The following NTRK3 variants were observed in gnomAD, a reference collection of about 807,000 sequenced individuals.
NTRK3 encodes the protein NT-3 growth factor receptor.
Under a neutral mutation model 91.7 loss-of-function variants are expected in NTRK3, and 24 were observed. The ratio of observed to expected loss-of-function variants is 0.26; its 90% CI spans 0.19 to 0.37. NTRK3 has a LOEUF of 0.37. NTRK3 is among the 10% of genes least tolerant of loss of function. The pLI is 1.00. For synonymous variants in NTRK3, 483 were observed against 404.0 expected, an observed-to-expected ratio of 1.20 and a Z score of -2.34; for missense variants, 880 against 1,068.9, an observed-to-expected ratio of 0.82 and a Z score of 2.46.
chr15:87,969,307 A>G (rs1310274198), intron 14 of NTRK3, among the ~76,000 whole-genome samples: 1 of 152,244 alleles, frequency 6.6e-6, no homozygotes, highest in South Asian at 2.1e-4. Context: ...CGCGTGTGCC[A>G]GAGTCCCTTT....
intron 13 of NTRK3, among the ~76,000 whole-genome samples, chr15:88,111,795 C>T: frequency 6.6e-6 from 1 of 152,018 alleles, no homozygotes; most frequent in East Asian, 1.9e-4. Flanking sequence ...GTGTGGACTA[C>T]TGATTGTCAT....
chr15:87,860,350 C>A (rs1006070110), exon 19 of NTRK3: 2 of 217,390 alleles, frequency 9.2e-6, no homozygotes, highest in Admixed American at 1.2e-4. Flanking sequence ...TTTTTGTTTT[C>A]TTTTGAGGTT....
At chr15:88,189,784 G>A (rs1454280130) in intron 3 of NTRK3, among the ~76,000 whole-genome samples, 1 of 152,022 alleles carries the variant, frequency 6.6e-6, no homozygotes, top group Non-Finnish European at 1.5e-5. Context: ...TCTTCCTTCT[G>A]TTTTGCTTGG....
At chr15:88,111,584 T>A (rs1567432881) in intron 13 of NTRK3, among the ~76,000 whole-genome samples, 2 of 152,154 alleles carry the variant, frequency 1.3e-5, no homozygotes, top group African/African-American at 4.8e-5. Context: ...TGCAGGTCCC[T>A]GGGATGGGGA....
At chr15:88,007,768 G>A (rs2076599846) in intron 14 of NTRK3, among the ~76,000 whole-genome samples, 1 of 152,154 alleles carries the variant, frequency 6.6e-6, no homozygotes, top group South Asian at 2.1e-4. Context: ...AATTCTTCCT[G>A]TCTTCTGCAC....
intron 3 of NTRK3, among the ~76,000 whole-genome samples, chr15:88,239,969 G>T (rs1477882366): frequency 2.6e-5 from 4 of 151,932 alleles, no homozygotes; most frequent in Non-Finnish European, 4.4e-5. Flanking sequence ...AACAGCCCTC[G>T]GTGATGCGCA....
At chr15:88,035,184 T>TA (rs1328011159) in intron 13 of NTRK3, among the ~76,000 whole-genome samples, 8 of 152,062 alleles carry the variant, frequency 5.3e-5, no homozygotes, top group African/African-American at 1.9e-4. Context: ...GCAGGGGGAA[T>TA]ATTTGCAGGC....
intron 3 of NTRK3, among the ~76,000 whole-genome samples, chr15:88,212,549 C>G (rs2049345559): frequency 6.6e-6 from 1 of 152,120 alleles, no homozygotes; most frequent in Admixed American, 6.5e-5. Flanking sequence ...TGGATGTTCA[C>G]AAGACACTTC....
At chr15:88,042,346 C>T (rs114683580) in intron 13 of NTRK3, among the ~76,000 whole-genome samples, 4,385 of 152,272 alleles carry the variant, frequency 0.029, 234 homozygotes, top group African/African-American at 0.1. Context: ...TGAACACGGG[C>T]TGTGCTCAAG....
Position 88,243,986 on chromosome 15 carries a change from C to T in NTRK3, c.248+11920G>A, listed in dbSNP as rs1303574649. Among the ~76,000 whole-genome samples the T allele has an allele frequency of 6.6e-6, 1 of 152,158 alleles. No individual in the cohort carries two copies. Among genetic ancestry groups the T allele is most frequent in the Non-Finnish European group, 1.5e-5 (1 of 68,040 alleles). ...CTAATGAAACCTCTGAAGCCAATAT[C>T]CACTAACCCTGACTCAGTCTGACCT... is the stretch of plus-strand genomic sequence containing the variant. On this transcript the variant is annotated intron_variant, in intron 3 of 18. Coordinates refer to ENST00000394480, the Ensembl canonical transcript of NTRK3. This position sits in a 1 kb window ranked among gnomAD's most constrained non-coding sequence, Gnocchi z 4.8.
intron 14 of NTRK3, among the ~76,000 whole-genome samples, chr15:87,945,924 T>G (rs1052347207): frequency 3.3e-5 from 5 of 152,142 alleles, no homozygotes; most frequent in Non-Finnish European, 1.5e-5. Flanking sequence ...GGAACATGGA[T>G]GTTGACTTGG....
chr15:88,248,032 C>G (rs1001631828), intron 3 of NTRK3, among the ~76,000 whole-genome samples: 1 of 152,202 alleles, frequency 6.6e-6, no homozygotes, highest in African/African-American at 2.4e-5. Flanking sequence ...AGCCACTCAG[C>G]CCTCTGCTCT....
At chr15:87,967,682 G>A (rs182036073) in intron 14 of NTRK3, among the ~76,000 whole-genome samples, 2 of 152,256 alleles carry the variant, frequency 1.3e-5, no homozygotes, top group East Asian at 3.9e-4. Context: ...AACCAATAAT[G>A]TTTACTGTGA....
chr15:88,130,273 T>C (rs940647650), intron 10 of NTRK3, among the ~76,000 whole-genome samples: 1 of 152,152 alleles, frequency 6.6e-6, no homozygotes, highest in African/African-American at 2.4e-5. Flanking sequence ...GGTGGAAGAA[T>C]GAAATGCTCT....
intron 13 of NTRK3, chr15:88,072,926 C>G: frequency 4.4e-6 from 1 of 227,614 alleles, no homozygotes. Flanking sequence ...GAGAGAAAAA[C>G]CAAGCATTTA....
intron 14 of NTRK3, among the ~76,000 whole-genome samples, chr15:87,991,564 T>C (rs535473084): frequency 2.0e-5 from 3 of 152,298 alleles, no homozygotes; most frequent in Non-Finnish European, 2.9e-5. Flanking sequence ...TTATTGTGCA[T>C]CATAACAACA....
chr15:88,000,827 T>C (rs2076050061), intron 14 of NTRK3, among the ~76,000 whole-genome samples: 1 of 152,208 alleles, frequency 6.6e-6, no homozygotes. Context: ...CATGTACAAG[T>C]TTTTGCATGA....
Position 88,241,798 on chromosome 15 carries a change from G to A in NTRK3, c.248+14108C>T, listed in dbSNP as rs558703389. ...ACTTTTCTGCCGAGAACATGGCCCC[G>A]GGAATGGACGGAATCTGCCGTGCAC... On this transcript the variant is annotated intron_variant, in intron 3 of 18. Transcript: ENST00000394480. This position sits in a 1 kb window ranked among gnomAD's most constrained non-coding sequence, Gnocchi z 4.3. 7.9e-5 allele frequency among the ~76,000 whole-genome samples: 12 copies of A among 152,292 alleles called. No individual in the cohort carries two copies. Among genetic ancestry groups the A allele is most frequent in the African/African-American group, 2.9e-4 (12 of 41,556 alleles).
intron 14 of NTRK3, among the ~76,000 whole-genome samples, chr15:87,949,367 G>A (rs960989992): frequency 1.3e-5 from 2 of 152,068 alleles, no homozygotes; most frequent in Non-Finnish European, 1.5e-5. Flanking sequence ...TCCGTGGTCA[G>A]CTCTGAAGAA....
Sources: gnomAD v4.1 joint callset for allele counts (sites outside exome capture counted in the v4.1 genomes callset) on GRCh38, gnomAD v4.1.1 for gene constraint, Gnocchi (gnomAD v3.1) non-coding constraint, MANE v1.5 for transcripts, NCBI Gene and HGNC (gene_info 2026-07-23, HGNC 2026-07-21) for gene names.